Variants in FOXP2 observed in about 807,000 individuals in gnomAD.
FOXP2 encodes forkhead box protein P2.
In FOXP2, 12 loss-of-function variants were observed where a neutral mutation model predicts 115.8. That is an observed-to-expected ratio of 0.10 (90% CI 0.07 to 0.17). The LOEUF (loss-of-function observed/expected upper bound fraction) is 0.17. FOXP2 is among the 10% of genes least tolerant of loss of function. The pLI, the probability that FOXP2 is intolerant of heterozygous loss-of-function variation, is 1.00. For synonymous variants in FOXP2, 328 were observed against 297.7 expected (o/e 1.10, Z -1.05); for missense variants, 629 against 843.5 (o/e 0.75, Z 3.15).
chr7:114,331,052 A>G (rs747603477), intron 2 of FOXP2, among the ~76,000 whole-genome samples: 1 of 152,214 alleles, frequency 6.6e-6, no homozygotes, highest in African/African-American at 2.4e-5. Context: ...AGTGAAGTCC[A>G]TGATGAAGTT....
intron 1 of FOXP2, among the ~76,000 whole-genome samples, chr7:114,278,251 T>G (rs1047826169): frequency 1.3e-5 from 2 of 152,116 alleles, no homozygotes; most frequent in African/African-American, 4.8e-5. Context: ...ATTTGGATTA[T>G]CTATATTATA....
At chr7:114,337,914 C>T (rs554389580) in intron 2 of FOXP2, among the ~76,000 whole-genome samples, 24 of 151,246 alleles carry the variant, frequency 1.6e-4, no homozygotes, top group Admixed American at 1.3e-3. Flanking sequence ...TAAAATGATA[C>T]AGGTTTGTAA....
intron 2 of FOXP2, among the ~76,000 whole-genome samples, chr7:114,490,005 C>T (rs758066770): frequency 1.4e-4 from 21 of 152,176 alleles, no homozygotes; most frequent in African/African-American, 3.9e-4. Context: ...CAGCCACTTC[C>T]GAAGTCAGTT....
chr7:114,430,415 A>T (rs1049364216), intron 2 of FOXP2, among the ~76,000 whole-genome samples: 2 of 151,764 alleles, frequency 1.3e-5, no homozygotes, highest in African/African-American at 2.4e-5. Flanking sequence ...ATTTATTCTC[A>T]TTGATTGATT....
chr7:114,413,943 C>T (rs1334042020), upstream of FOXP2, among the ~76,000 whole-genome samples: 1 of 152,066 alleles, frequency 6.6e-6, no homozygotes, highest in African/African-American at 2.4e-5. Flanking sequence ...CGATGGTGTT[C>T]AGCTGAGACC....
chr7:114,337,753 A>G (rs1380853944), intron 2 of FOXP2, among the ~76,000 whole-genome samples: 1 of 151,198 alleles, frequency 6.6e-6, no homozygotes, highest in African/African-American at 2.4e-5. Context: ...TAGACTGTGT[A>G]CTGGTAAATA....
At chr7:114,662,857 C>T (rs1806949054) in intron 14 of FOXP2, among the ~76,000 whole-genome samples, 1 of 152,052 alleles carries the variant, frequency 6.6e-6, no homozygotes, top group African/African-American at 2.4e-5. Flanking sequence ...TTAATTAACT[C>T]CATGTAGAAT....
chr7:114,229,071 T>G (rs1250061664), intron 1 of FOXP2, among the ~76,000 whole-genome samples: 1 of 151,040 alleles, frequency 6.6e-6, no homozygotes, highest in Non-Finnish European at 1.5e-5. Context: ...TTCACATAAA[T>G]CATGACAAAA....
intron 2 of FOXP2, among the ~76,000 whole-genome samples, chr7:114,396,880 G>A (rs1792759080): frequency 6.6e-6 from 1 of 152,070 alleles, no homozygotes; most frequent in African/African-American, 2.4e-5. Flanking sequence ...TAATGCATAT[G>A]TTAATTAACT....
intron 2 of FOXP2, among the ~76,000 whole-genome samples, chr7:114,426,884 A>G (rs1319190638): frequency 6.6e-6 from 1 of 151,722 alleles, no homozygotes; most frequent in African/African-American, 2.4e-5. Context: ...AGTACCCTTC[A>G]GGTGTCAGGA....
At chr7:114,628,803 A>G in intron 4 of FOXP2, 126 bp downstream of exon 4, 2 of 1,120,726 alleles carry the variant, frequency 1.8e-6, no homozygotes, top group Non-Finnish European at 2.6e-6. Context: ...AGCGTGCTAG[A>G]ACATAAATGT....
intron 2 of FOXP2, among the ~76,000 whole-genome samples, chr7:114,360,844 G>A (rs1042264944): frequency 6.6e-6 from 1 of 152,172 alleles, no homozygotes; most frequent in African/African-American, 2.4e-5. Flanking sequence ...GAGCCGAATA[G>A]CATGTCAGCT....
chr7:114,266,748 T>C (rs982816004), intron 1 of FOXP2, among the ~76,000 whole-genome samples: 3 of 152,162 alleles, frequency 2.0e-5, no homozygotes, highest in African/African-American at 7.2e-5. Context: ...TCAGGGACCA[T>C]ATAATTTTTG....
chr7:114,352,329 A>G (rs554131398), intron 2 of FOXP2, among the ~76,000 whole-genome samples: 1 of 152,174 alleles, frequency 6.6e-6, no homozygotes, highest in East Asian at 1.9e-4. Context: ...GAAAGGTTAT[A>G]TGTGCTGTAC....
chr7:114,454,898 T>C (rs1488962445), intron 2 of FOXP2, among the ~76,000 whole-genome samples: 3 of 126,590 alleles, frequency 2.4e-5, no homozygotes, highest in African/African-American at 9.3e-5. Context: ...AGGGATAGCA[T>C]TGGGAGATAT....
chr7:114,365,055 A>G (rs905682997), intron 2 of FOXP2, among the ~76,000 whole-genome samples: 5 of 152,180 alleles, frequency 3.3e-5, no homozygotes, highest in African/African-American at 9.6e-5. Flanking sequence ...ATCATGCTGT[A>G]TCATGTAATT....
chr7:114,663,415 A>G lies in FOXP2; in HGVS notation c.1770-35A>G, dbSNP rs1212105331. ...ATTGATATCCACGTTTTATATTTTG[A>G]CGTATAAATGATCTTTATATATTTT... is the stretch of plus-strand genomic sequence containing the variant. On this transcript the variant is annotated intron_variant, in intron 14 of 16. Transcript: ENST00000350908. The G allele has an allele frequency of 4.3e-6, 6 of 1,410,020 alleles. No homozygotes were observed. In the African/African-American group the frequency reaches 8.5e-5, roughly 20 times the overall value. 87.3% of individuals were successfully genotyped at this position (1,410,020 alleles called of 1,614,324 possible).
chr7:114,332,449 A>T (rs1381227605), intron 2 of FOXP2, among the ~76,000 whole-genome samples: 1 of 152,152 alleles, frequency 6.6e-6, no homozygotes, highest in Non-Finnish European at 1.5e-5. Context: ...GATTGCTCTT[A>T]CTGTTTAAAG....
chr7:114,171,054 T>C (rs551227220), intron 1 of FOXP2, among the ~76,000 whole-genome samples: 2 of 152,328 alleles, frequency 1.3e-5, no homozygotes, highest in East Asian at 3.9e-4. Context: ...TAGAGGCTAA[T>C]GCAGTTAATG....
Sources: gnomAD v4.1 joint callset for allele counts (sites outside exome capture counted in the v4.1 genomes callset) on GRCh38, gnomAD v4.1.1 for gene constraint, MANE v1.5 for transcripts, NCBI Gene and HGNC (gene_info 2026-07-23, HGNC 2026-07-21) for gene names.